The following PAX5 variants were observed in gnomAD, a reference collection of about 807,000 sequenced individuals.
The protein encoded by PAX5 is paired box 5, also known as paired box protein Pax-5.
Under a neutral mutation model 43.7 loss-of-function variants are expected in PAX5, and 9 were observed. The ratio of observed to expected loss-of-function variants is 0.21; its 90% CI spans 0.12 to 0.36. The LOEUF (loss-of-function observed/expected upper bound fraction) is 0.36, where lower values mean the gene tolerates loss of function less well. PAX5 is among the 10% of genes least tolerant of loss of function. The probability of loss-of-function intolerance (pLI) is 1.00; values close to 1 mark genes in which losing one functional copy is unlikely to be tolerated. For missense variants in PAX5, 383 were observed against 532.7 expected (o/e 0.72, Z 2.77); for synonymous variants, 228 against 214.3 (o/e 1.06, Z -0.56).
intron 5 of PAX5, among the ~76,000 whole-genome samples, chr9:36,973,444 C>G (rs1295385488): frequency 6.6e-6 from 1 of 152,190 alleles, no homozygotes; most frequent in Non-Finnish European, 1.5e-5. Flanking sequence ...GGGCATTTTT[C>G]CAGTTTGGGT....
intron 2 of PAX5, among the ~76,000 whole-genome samples, chr9:37,019,500 C>T (rs1383263147): frequency 6.6e-6 from 1 of 152,218 alleles, no homozygotes; most frequent in Non-Finnish European, 1.5e-5. Flanking sequence ...TGGCCTCAAA[C>T]AAGCAGCCTC....
intron 8 of PAX5, among the ~76,000 whole-genome samples, chr9:36,876,071 C>A (rs1296759423): frequency 2.6e-5 from 4 of 152,196 alleles, no homozygotes; most frequent in Non-Finnish European, 5.9e-5. Context: ...GCAAGCTGGG[C>A]AACGAGCAGA....
At chr9:36,848,457 T>C (rs1419498854) in intron 8 of PAX5, among the ~76,000 whole-genome samples, 1 of 151,970 alleles carries the variant, frequency 6.6e-6, no homozygotes, top group Admixed American at 6.5e-5. Flanking sequence ...TTCTCTGTTT[T>C]TTATGCCTCA....
Position 36,835,050 on chromosome 9 carries a change from C to T in PAX5, c.*5510G>A, listed in dbSNP as rs536323124. The T allele has an allele frequency of 4.3e-6, 1 of 233,234 alleles. No homozygotes were observed. The highest frequency in any genetic ancestry group is 6.0e-5 in the East Asian group (1 of 16,608). 14.4% of individuals were successfully genotyped at this position (233,234 alleles called of 1,614,324 possible). A position where few individuals can be genotyped will look rare whatever the true frequency, so the allele number is the denominator to read the frequency against. The stretch of plus-strand genomic sequence containing the variant: ...CTCCTGCCACAGGCCAAGTACCCTA[C>T]CTGAGACGACTCCTTTGAGGCTTTG... On this transcript the variant is annotated 3_prime_UTR_variant, in exon 10 of 10. Transcript: ENST00000358127.
At chr9:37,001,820 T>TTTTTTTTTTTTG (rs1837881664) in intron 5 of PAX5, among the ~76,000 whole-genome samples, 1 of 120,974 alleles carries the variant, frequency 8.3e-6, no homozygotes. Context: ...CTTTTTTTTT[T>TTTTTTTTTTTTG]TTTTTTTTTT....
At chr9:36,884,618 T>G (rs992863390) in intron 7 of PAX5, among the ~76,000 whole-genome samples, 1 of 152,224 alleles carries the variant, frequency 6.6e-6, no homozygotes, top group South Asian at 2.1e-4. Context: ...CTGAAAATTG[T>G]TCTGAAAGTT....
At chr9:36,848,029 G>A (rs552048426) in intron 8 of PAX5, among the ~76,000 whole-genome samples, 1 of 152,272 alleles carries the variant, frequency 6.6e-6, no homozygotes, top group Admixed American at 6.5e-5. Context: ...CTGCTGCTGG[G>A]TACAGAGCAT....
chr9:37,018,244 C>T (rs909476855), intron 2 of PAX5, among the ~76,000 whole-genome samples: 1 of 152,152 alleles, frequency 6.6e-6, no homozygotes, highest in Non-Finnish European at 1.5e-5. Flanking sequence ...TTTCTTCTTA[C>T]TGTGTAACAT....
chr9:36,878,179 G>C (rs1826089707), intron 8 of PAX5, among the ~76,000 whole-genome samples: 1 of 152,210 alleles, frequency 6.6e-6, no homozygotes, highest in African/African-American at 2.4e-5. Context: ...ACACAGTTCT[G>C]TGGTTTTAAG....
Position 36,834,945 on chromosome 9 carries a change from C to T in PAX5, c.*5615G>A. The T allele has an allele frequency of 4.3e-6, 1 of 232,590 alleles. No individual in the cohort carries two copies. Among genetic ancestry groups the T allele is most frequent in the Non-Finnish European group, 8.5e-6 (1 of 117,632 alleles). 14.4% of individuals were successfully genotyped at this position (232,590 alleles called of 1,614,324 possible). A position where few individuals can be genotyped will look rare whatever the true frequency, so the allele number is the denominator to read the frequency against. On this transcript the variant is annotated 3_prime_UTR_variant, in exon 10 of 10. Coordinates refer to ENST00000358127, the MANE Select transcript of PAX5 (RefSeq NM_016734.3). ...GCACGACTGCCAAGTCACCCCCACC[C>T]TGCTGTTTCACCTGCTTCCCTCCCT...
chr9:36,986,316 C>T (rs1482352886), intron 5 of PAX5, among the ~76,000 whole-genome samples: 1 of 147,352 alleles, frequency 6.8e-6, no homozygotes, highest in Non-Finnish European at 1.5e-5. Flanking sequence ...CTGGGACCTG[C>T]AGGGCGCGCC....
intron 5 of PAX5, among the ~76,000 whole-genome samples, chr9:36,996,335 T>C (rs1180369160): frequency 6.6e-6 from 1 of 152,258 alleles, no homozygotes; most frequent in Non-Finnish European, 1.5e-5. Flanking sequence ...GCGTCAACTC[T>C]ATTCGCCAGA....
intron 8 of PAX5, among the ~76,000 whole-genome samples, chr9:36,881,617 T>G (rs1826418590): frequency 6.6e-6 from 1 of 150,506 alleles, no homozygotes; most frequent in Non-Finnish European, 1.5e-5. Context: ...CAGCGCCTTC[T>G]GCTTGTTCGT....
At chr9:36,933,713 C>T (rs1052933353) in intron 6 of PAX5, among the ~76,000 whole-genome samples, 2 of 152,234 alleles carry the variant, frequency 1.3e-5, no homozygotes, top group African/African-American at 4.8e-5. Context: ...GCCCTGCGTT[C>T]TTTAAACCTG....
rs544208123 is a variant in PAX5, at chr9:36,872,947, C to G, written c.1012+9057G>C. 3.3e-5 allele frequency among the ~76,000 whole-genome samples: 5 copies of G among 152,248 alleles called. No homozygotes were observed. In the South Asian group the frequency reaches 1.0e-3, roughly 32 times the overall value. On this transcript the variant is annotated intron_variant, in intron 8 of 9. Coordinates refer to ENST00000358127, the MANE Select transcript of PAX5 (RefSeq NM_016734.3). ...TCCAGCCTTCCCTTCCAGCTCATCT[C>G]CCACCAGCCCCACAAGGCTTTGGTC...
intron 8 of PAX5, among the ~76,000 whole-genome samples, chr9:36,866,615 C>A (rs935120713): frequency 1.3e-5 from 2 of 152,078 alleles, no homozygotes; most frequent in Non-Finnish European, 2.9e-5. Context: ...CCTTTTTATA[C>A]CAGTTCTGCA....
intron 1 of PAX5, among the ~76,000 whole-genome samples, chr9:37,031,930 C>G (rs147436187): frequency 1.2e-4 from 19 of 152,332 alleles, no homozygotes; most frequent in Non-Finnish European, 1.9e-4. Flanking sequence ...GGAAGAAGCT[C>G]TCATAGGAAC....
At chr9:37,012,808 T>C (rs1424457239) in intron 3 of PAX5, among the ~76,000 whole-genome samples, 1 of 152,234 alleles carries the variant, frequency 6.6e-6, no homozygotes, top group East Asian at 1.9e-4. Flanking sequence ...CTTACGTTTT[T>C]CTAACATACA....
intron 5 of PAX5, among the ~76,000 whole-genome samples, chr9:36,986,520 C>T (rs2132304125): frequency 6.6e-6 from 1 of 152,264 alleles, no homozygotes; most frequent in East Asian, 1.9e-4. Flanking sequence ...GCGCCGCGCT[C>T]AGCCTTCTCT....
Sources: gnomAD v4.1 joint callset for allele counts (sites outside exome capture counted in the v4.1 genomes callset) on GRCh38, gnomAD v4.1.1 for gene constraint, MANE v1.5 for transcripts, NCBI Gene and HGNC (gene_info 2026-07-23, HGNC 2026-07-21) for gene names.